The following ATP9B variants were observed in gnomAD, a reference collection of about 807,000 sequenced individuals.
ATP9B encodes probable phospholipid-transporting ATPase IIB.
In ATP9B, 110 loss-of-function variants were observed where a neutral mutation model predicts 146.1. The ratio of observed to expected loss-of-function variants is 0.75; its 90% CI spans 0.65 to 0.88. The LOEUF (loss-of-function observed/expected upper bound fraction) is 0.88, where lower values mean the gene tolerates loss of function less well. ATP9B is among the 40% of genes least tolerant of loss of function. The pLI, the probability that ATP9B is intolerant of heterozygous loss-of-function variation, is 0.00. For missense variants in ATP9B, 1,499 were observed against 1,496.4 expected (o/e 1.00, Z -0.03); for synonymous variants, 604 against 569.7 (o/e 1.06, Z -0.86).
chr18:79,279,666 A>G (rs2096355310), intron 13 of ATP9B, among the ~76,000 whole-genome samples: 1 of 152,274 alleles, frequency 6.6e-6, no homozygotes, highest in Admixed American at 6.5e-5. Context: ...ATCATTAAAA[A>G]TAAATGTAAA....
intron 7 of ATP9B, among the ~76,000 whole-genome samples, chr18:79,158,347 C>T (rs1230559132): frequency 6.6e-6 from 1 of 151,890 alleles, no homozygotes; most frequent in Non-Finnish European, 1.5e-5. Flanking sequence ...GATTATAGTT[C>T]ACTATGATGA....
intron 5 of ATP9B, among the ~76,000 whole-genome samples, chr18:79,134,107 C>T (rs980811207): frequency 6.6e-6 from 1 of 152,210 alleles, no homozygotes. Context: ...GCCACCTGCT[C>T]CAGCTCCTTC....
At chr18:79,115,402 C>T (rs573578137) in intron 4 of ATP9B, 1 of 137,836 alleles carries the variant, frequency 7.3e-6, no homozygotes, top group African/African-American at 3.0e-5. Flanking sequence ...ACTTTCTTCA[C>T]AGAATTGGAA....
chr18:79,114,604 C>G (rs1367200273), intron 4 of ATP9B, among the ~76,000 whole-genome samples: 1 of 152,120 alleles, frequency 6.6e-6, no homozygotes, highest in Non-Finnish European at 1.5e-5. Context: ...TTCACATAGA[C>G]TTCATAGTAG....
intron 12 of ATP9B, among the ~76,000 whole-genome samples, chr18:79,262,424 C>A (rs751549387): frequency 1.3e-4 from 20 of 151,834 alleles, no homozygotes; most frequent in Admixed American, 4.6e-4. Flanking sequence ...ATATACAAAC[C>A]TTATTGCCTC....
At chr18:79,235,998 A>G (rs1456749358) in intron 11 of ATP9B, among the ~76,000 whole-genome samples, 1 of 151,972 alleles carries the variant, frequency 6.6e-6, no homozygotes, top group African/African-American at 2.4e-5. Context: ...TGCCTCCTGT[A>G]AGGTGTGTAC....
At chr18:79,091,501 C>T (rs764941732) in intron 1 of ATP9B, among the ~76,000 whole-genome samples, 18 of 152,062 alleles carry the variant, frequency 1.2e-4, no homozygotes, top group South Asian at 2.1e-4. Flanking sequence ...TTCACTTCTT[C>T]GGTGAAGTTA....
At chr18:79,231,531 T>A (rs1002280100) in intron 11 of ATP9B, among the ~76,000 whole-genome samples, 1 of 152,088 alleles carries the variant, frequency 6.6e-6, no homozygotes, top group African/African-American at 2.4e-5. Context: ...ACTTCTACAC[T>A]GCTGGTGGGA....
intron 12 of ATP9B, among the ~76,000 whole-genome samples, chr18:79,269,789 C>T (rs920208634): frequency 7.2e-5 from 11 of 152,186 alleles, no homozygotes; most frequent in Non-Finnish European, 5.9e-5. Context: ...TTCAAGATTC[C>T]AAGTCACTGG....
At chr18:79,211,177 A>G (rs948150489) in intron 10 of ATP9B, among the ~76,000 whole-genome samples, 9 of 152,224 alleles carry the variant, frequency 5.9e-5, no homozygotes, top group African/African-American at 1.9e-4. Flanking sequence ...TATAAACTAG[A>G]AATGTTTAAA....
At chr18:79,127,641 T>C (rs1274519287) in intron 5 of ATP9B, among the ~76,000 whole-genome samples, 3 of 152,230 alleles carry the variant, frequency 2.0e-5, no homozygotes, top group Non-Finnish European at 4.4e-5. Flanking sequence ...TTCTACTTTG[T>C]GACCGTTGTG....
At chr18:79,077,549 T>C (rs1384933670) in intron 1 of ATP9B, among the ~76,000 whole-genome samples, 1 of 152,214 alleles carries the variant, frequency 6.6e-6, no homozygotes, top group East Asian at 1.9e-4. Context: ...AGGAATGCTT[T>C]ATTACTGCTA....
chr18:79,139,332 T>A (rs2094486081), intron 5 of ATP9B, among the ~76,000 whole-genome samples: 1 of 152,200 alleles, frequency 6.6e-6, no homozygotes, highest in Non-Finnish European at 1.5e-5. Flanking sequence ...GTTCAGTACA[T>A]AATCGAGTGT....
chr18:79,114,119 C>T (rs1324524871), intron 4 of ATP9B, among the ~76,000 whole-genome samples: 1 of 152,078 alleles, frequency 6.6e-6, no homozygotes, highest in Non-Finnish European at 1.5e-5. Flanking sequence ...TACAGGCACA[C>T]CTGGCTAATT....
chr18:79,174,513 G>A (rs1234853766), intron 7 of ATP9B, among the ~76,000 whole-genome samples: 1 of 152,164 alleles, frequency 6.6e-6, no homozygotes, highest in Non-Finnish European at 1.5e-5. Flanking sequence ...CAGGATGCGA[G>A]GGCCCTTCTC....
At chr18:79,337,561 C>G (rs1256854651) in intron 19 of ATP9B, 112 bp downstream of exon 19, 1 of 1,414,168 alleles carries the variant, frequency 7.1e-7, no homozygotes, top group African/African-American at 1.4e-5. Context: ...TGTGAGAGAG[C>G]TCTGTAAGCA....
chr18:79,372,006 G>T (rs35755749), intron 26 of ATP9B, among the ~76,000 whole-genome samples: 34,814 of 152,068 alleles, frequency 0.23, 4,676 homozygotes, highest in East Asian at 0.52. Flanking sequence ...TAGATGCGAA[G>T]GTGTCAAACA....
chr18:79,338,234 A>C (rs1281430478), intron 19 of ATP9B, among the ~76,000 whole-genome samples: 1 of 152,212 alleles, frequency 6.6e-6, no homozygotes. Context: ...GCTGCTTCTC[A>C]CTTGTGCCTG....
At chr18:79,344,171 A>G in intron 20 of ATP9B, 94 bp from the exon 21 acceptor site, 1 of 1,166,402 alleles carries the variant, frequency 8.6e-7, no homozygotes, top group Non-Finnish European at 1.3e-6. Flanking sequence ...ACCCCAGAAC[A>G]TTCCACTGTG....
Sources: allele counts gnomAD v4.1 joint callset (sites outside exome capture counted in the v4.1 genomes callset), GRCh38; gene constraint gnomAD v4.1.1; transcripts MANE v1.5; gene names NCBI Gene and HGNC (gene_info 2026-07-23, HGNC 2026-07-21).